B3GNT2: variants seen among roughly 807,000 people sequenced by gnomAD.
The protein encoded by B3GNT2 is N-acetyllactosaminide beta-1,3-N-acetylglucosaminyltransferase 2.
Under a neutral mutation model 27.6 loss-of-function variants are expected in B3GNT2, and 12 were observed. The observed-to-expected ratio is 0.44, with a 90% CI of 0.28 to 0.71. The LOEUF (loss-of-function observed/expected upper bound fraction) is 0.71. B3GNT2 is among the 30% of genes least tolerant of loss of function. B3GNT2 has a pLI of 0.17. For synonymous variants in B3GNT2, 192 were observed against 189.7 expected (o/e 1.01, Z -0.10); for missense variants, 413 against 488.5 (o/e 0.85, Z 1.46).
chr2:62,208,225 C>T lies in B3GNT2; in HGVS notation c.-10+11870C>T, dbSNP rs375598626. On this transcript the variant is annotated intron_variant, in intron 1 of 1. Transcript: ENST00000301998. ...CCTCCTTCCTTCCCCCCTTCCTTTC[C>T]CCCTTCCTTCCCCCCCAATCTCTAC... Among the ~76,000 whole-genome samples the T allele has an allele frequency of 9.8e-5, 11 of 112,408 alleles. No individual in the cohort carries two copies. The East Asian group carries it at 2.9e-3, about 29-fold the overall frequency. The allele number at this position is 112,408 out of a possible 152,430, so 73.7% of individuals were successfully genotyped here.
intron 1 of B3GNT2, chr2:62,221,772 T>A (rs1674698882): frequency 2.0e-6 from 1 of 502,042 alleles, no homozygotes; most frequent in South Asian, 1.5e-5. Context: ...AAACACAGTA[T>A]AAAAATGTAT....
In B3GNT2 at chr2:62,214,362, T is replaced by C. The variant is rs373449557; in HGVS notation, c.-9-7850T>C. On this transcript the variant is annotated intron_variant, in intron 1 of 1. Transcript: ENST00000301998. Reference sequence around the variant, plus strand: ...AATAGAGGAGAGATGAGGAGGGAGCTACCAGTGGCGTAATAGAAGCACCTG... The same window carrying C: ...AATAGAGGAGAGATGAGGAGGGAGCCACCAGTGGCGTAATAGAAGCACCTG... 7.3e-5 allele frequency among the ~76,000 whole-genome samples: 11 copies of C among 151,370 alleles called. No homozygotes were observed. In the East Asian group the frequency reaches 1.4e-3, roughly 19 times the overall value.
chr2:62,213,985 C>T (rs17020383), intron 1 of B3GNT2, among the ~76,000 whole-genome samples: 1,750 of 152,164 alleles, frequency 0.012, 37 homozygotes, highest in African/African-American at 0.039. Flanking sequence ...ACCTTGACTG[C>T]GGAGGGTTCC....
At chr2:62,203,308 G>A (rs1674306380) in intron 1 of B3GNT2, among the ~76,000 whole-genome samples, 1 of 152,148 alleles carries the variant, frequency 6.6e-6, no homozygotes, top group African/African-American at 2.4e-5. Context: ...ACCAACTAAG[G>A]GAGGTTAGGA....
intron 1 of B3GNT2, chr2:62,221,698 G>T (rs374987798): frequency 2.7e-4 from 93 of 339,170 alleles, no homozygotes; most frequent in African/African-American, 1.9e-3. Context: ...GAGAGTGAAT[G>T]ACATGGAACT....
chr2:62,210,438 T>G (rs983038543), intron 1 of B3GNT2, among the ~76,000 whole-genome samples: 2 of 151,328 alleles, frequency 1.3e-5, no homozygotes, highest in East Asian at 1.9e-4. Flanking sequence ...TGGCATCAAT[T>G]AAAACAGGGA....
chr2:62,201,771 G>A (rs1311445826), intron 1 of B3GNT2, among the ~76,000 whole-genome samples: 1 of 152,138 alleles, frequency 6.6e-6, no homozygotes, highest in African/African-American at 2.4e-5. Context: ...ACTTGATGTG[G>A]GTCCTTCTAA....
At chr2:62,201,615 G>A (rs1674266013) in intron 1 of B3GNT2, among the ~76,000 whole-genome samples, 1 of 151,976 alleles carries the variant, frequency 6.6e-6, no homozygotes, top group South Asian at 2.1e-4. Context: ...TTTCATTTTT[G>A]GACTCATTCT....
At chr2:62,196,844 C>G (rs1291760624) in intron 1 of B3GNT2, among the ~76,000 whole-genome samples, 1 of 151,954 alleles carries the variant, frequency 6.6e-6, no homozygotes, top group African/African-American at 2.4e-5. Flanking sequence ...CTCGCTCGCA[C>G]CCCCGCACCC....
intron 1 of B3GNT2, among the ~76,000 whole-genome samples, chr2:62,209,374 T>A (rs774807702): frequency 1.3e-5 from 2 of 151,874 alleles, no homozygotes; most frequent in Admixed American, 6.6e-5. Flanking sequence ...GATATTAGAG[T>A]GGATGGTCTG....
intron 1 of B3GNT2, among the ~76,000 whole-genome samples, chr2:62,221,526 G>C (rs1263956300): frequency 6.6e-6 from 1 of 152,126 alleles, no homozygotes; most frequent in Non-Finnish European, 1.5e-5. Flanking sequence ...AAAAAAGAGA[G>C]AGAGATAGGG....
intron 1 of B3GNT2, among the ~76,000 whole-genome samples, chr2:62,218,282 T>G (rs1020857549): frequency 6.6e-5 from 10 of 152,240 alleles, no homozygotes; most frequent in African/African-American, 1.9e-4. Context: ...TGCAAGACAC[T>G]GTGCCCAGGT....
chr2:62,219,033 C>T (rs939253214), intron 1 of B3GNT2, among the ~76,000 whole-genome samples: 15 of 152,324 alleles, frequency 9.8e-5, no homozygotes, highest in Admixed American at 2.0e-4. Context: ...GTGATAGAGG[C>T]TTCAAGTGGT....
intron 1 of B3GNT2, among the ~76,000 whole-genome samples, chr2:62,201,101 G>A (rs1446929587): frequency 6.6e-6 from 1 of 151,926 alleles, no homozygotes; most frequent in African/African-American, 2.4e-5. Context: ...TCTTTAACAG[G>A]GTGATAACTA....
Position 62,222,658 on chromosome 2 carries a change from G to A in B3GNT2, c.438G>A (p.Leu146=), listed in dbSNP as rs76769447. The A allele has an allele frequency of 1.5e-5, 25 of 1,614,212 alleles. No homozygotes were observed. The East Asian group carries it at 5.3e-4, about 35-fold the overall frequency. The change falls in exon 2 of 2, where the codon CTG becomes CTA. Residue 146 remains leucine, a synonymous_variant. Transcript: ENST00000301998. The surrounding 1 kb of genome is among the most constrained non-coding windows in gnomAD (Gnocchi z 4.2). ...DKCAKKPFLL[L]AIKSLTPHFA... ...GTGCAAAGAAACCTTTCTTGTTGCT[G>A]GCGATTAAGTCCCTCACTCCACATT...
chr2:62,202,399 G>A (rs1440793041), intron 1 of B3GNT2, among the ~76,000 whole-genome samples: 1 of 152,236 alleles, frequency 6.6e-6, no homozygotes, highest in African/African-American at 2.4e-5. Flanking sequence ...AAGGCTCATA[G>A]AGGTCTTTTG....
intron 1 of B3GNT2, among the ~76,000 whole-genome samples, chr2:62,209,769 AGTT>A (rs1305193648): frequency 6.6e-6 from 1 of 152,150 alleles, no homozygotes; most frequent in Non-Finnish European, 1.5e-5. Flanking sequence ...CAGGTTGTAA[AGTT>A]GTGCTGATCT....
intron 1 of B3GNT2, among the ~76,000 whole-genome samples, chr2:62,197,689 C>T (rs1674180276): frequency 1.3e-5 from 2 of 152,208 alleles, no homozygotes; most frequent in African/African-American, 4.8e-5. Context: ...TTATTTGTGC[C>T]TCTGGAGGTG....
chr2:62,206,455 G>A (rs1408129136), intron 1 of B3GNT2, among the ~76,000 whole-genome samples: 1 of 152,240 alleles, frequency 6.6e-6, no homozygotes, highest in African/African-American at 2.4e-5. Flanking sequence ...TAGGTGTGCA[G>A]TGGTTAATTT....
Sources: allele counts gnomAD v4.1 joint callset (sites outside exome capture counted in the v4.1 genomes callset), GRCh38; gene constraint gnomAD v4.1.1; non-coding constraint Gnocchi (gnomAD v3.1); transcripts MANE v1.5; gene names NCBI Gene and HGNC (gene_info 2026-07-23, HGNC 2026-07-21).